Variants in ADGRV1 observed in about 807,000 individuals in gnomAD.
ADGRV1 encodes G-protein coupled receptor 98.
Under a neutral mutation model 596.2 loss-of-function variants are expected in ADGRV1, and 359 were observed. That is an observed-to-expected ratio of 0.60 (90% CI 0.55 to 0.66). The LOEUF is 0.66. ADGRV1 is among the 30% of genes least tolerant of loss of function. ADGRV1 has a pLI of 0.00. For missense variants in ADGRV1, 7,274 were observed against 7,575.6 expected (o/e 0.96, Z 1.48); for synonymous variants, 2,681 against 2,679.2 (o/e 1.00, Z -0.02).
At chr5:90,830,918 G>C (rs1764466623) in intron 77 of ADGRV1, among the ~76,000 whole-genome samples, 1 of 152,076 alleles carries the variant, frequency 6.6e-6, no homozygotes. Flanking sequence ...AGACCAAAAA[G>C]CCTGGCCCTC....
chr5:90,790,772 T>A, intron 69 of ADGRV1, 101 bp from the exon 70 acceptor site: 1 of 740,240 alleles, frequency 1.4e-6, no homozygotes. Context: ...TGCACAATTA[T>A]ATTTTTTTTT....
At chr5:90,574,292 A>G (rs190203195) in intron 1 of ADGRV1, among the ~76,000 whole-genome samples, 75 of 152,230 alleles carry the variant, frequency 4.9e-4, no homozygotes, top group African/African-American at 1.5e-3. Flanking sequence ...ATCCATAAGA[A>G]TAGAATATTT....
chr5:90,914,419 C>A (rs536380607), intron 83 of ADGRV1, among the ~76,000 whole-genome samples: 2 of 152,084 alleles, frequency 1.3e-5, no homozygotes, highest in East Asian at 1.9e-4. Flanking sequence ...TCTTCTTGTC[C>A]CTATTTTTAA....
At chr5:90,961,017 A>G (rs1777958300) in intron 83 of ADGRV1, among the ~76,000 whole-genome samples, 1 of 152,174 alleles carries the variant, frequency 6.6e-6, no homozygotes, top group Admixed American at 6.5e-5. Context: ...ATACCCTGCT[A>G]CAATACTTGT....
chr5:91,026,309 A>T lies in ADGRV1; in HGVS notation c.18152+40787A>T, dbSNP rs149939528. ...TTTCATTTGAGCAAGGCATAAAACA[A>T]TGCCTTTCAAAAAAATAAGCCAAAG... On this transcript the variant is annotated intron_variant, in intron 85 of 89. Coordinates refer to ENST00000405460, the MANE Select transcript of ADGRV1 (RefSeq NM_032119.4). Among the ~76,000 whole-genome samples, 240 of 152,300 alleles carry T rather than the reference A, an allele frequency of 1.6e-3. 2 individuals carry two copies. Among genetic ancestry groups the T allele is most frequent in the African/African-American group, 5.6e-3 (232 of 41,570 alleles).
rs1250697275 is a variant in ADGRV1 at position 91,098,046 on chromosome 5, T to C, written c.18311-4173T>C. On this transcript the variant is annotated intron_variant, in intron 86 of 89. Coordinates refer to ENST00000405460, the MANE Select transcript of ADGRV1 (RefSeq NM_032119.4). ...TGAGAACATTGAAATGATTCTGTTT[T>C]ATCTTCACTAATTCACTCCTAAACA... is the stretch of plus-strand genomic sequence containing the variant. 2.0e-5 allele frequency among the ~76,000 whole-genome samples: 3 copies of C among 152,234 alleles called. No homozygotes were observed. The East Asian group carries it at 5.8e-4, about 29-fold the overall frequency.
At chr5:90,812,311 A>G (rs1762513334) in intron 74 of ADGRV1, among the ~76,000 whole-genome samples, 1 of 152,120 alleles carries the variant, frequency 6.6e-6, no homozygotes, top group Non-Finnish European at 1.5e-5. Flanking sequence ...CTATCTCATG[A>G]TTCTTTTCTT....
At chr5:90,666,081 G>A (rs1323650723) in intron 21 of ADGRV1, among the ~76,000 whole-genome samples, 1 of 151,548 alleles carries the variant, frequency 6.6e-6, no homozygotes, top group African/African-American at 2.4e-5. Flanking sequence ...TGAAAAAAAT[G>A]TATATTCTGT....
chr5:90,784,926 C>A (rs1759262051), intron 67 of ADGRV1, among the ~76,000 whole-genome samples: 1 of 151,980 alleles, frequency 6.6e-6, no homozygotes, highest in Non-Finnish European at 1.5e-5. Context: ...CTACTTTAAA[C>A]TTCATATGGA....
intron 83 of ADGRV1, among the ~76,000 whole-genome samples, chr5:90,913,477 A>G (rs2150701704): frequency 6.6e-6 from 1 of 152,366 alleles, no homozygotes; most frequent in East Asian, 1.9e-4. Flanking sequence ...TTAACATTAA[A>G]AAGTGGTAGC....
chr5:90,997,699 A>G (rs936345741), intron 85 of ADGRV1, among the ~76,000 whole-genome samples: 1 of 152,200 alleles, frequency 6.6e-6, no homozygotes, highest in Admixed American at 6.5e-5. Flanking sequence ...TACAGTGGAA[A>G]GAGCAGGGGC....
intron 1 of ADGRV1, among the ~76,000 whole-genome samples, chr5:90,579,055 GCTC>G (rs1757616543): frequency 1.3e-5 from 2 of 152,156 alleles, no homozygotes; most frequent in African/African-American, 4.8e-5. Context: ...CAAAAAACCA[GCTC>G]CTGGATTCAT....
intron 1 of ADGRV1, among the ~76,000 whole-genome samples, chr5:90,580,457 C>T (rs1757865414): frequency 6.6e-6 from 1 of 151,914 alleles, no homozygotes; most frequent in South Asian, 2.1e-4. Flanking sequence ...TTGGTCTTTT[C>T]ACATAGTCCC....
At chr5:90,978,149 G>A (rs1779773121) in intron 84 of ADGRV1, among the ~76,000 whole-genome samples, 1 of 151,942 alleles carries the variant, frequency 6.6e-6, no homozygotes, top group South Asian at 2.1e-4. Context: ...CAAAAAATTA[G>A]CCAGGCATGG....
chr5:90,751,317 T>C (rs1166327699), intron 53 of ADGRV1, among the ~76,000 whole-genome samples: 2 of 152,142 alleles, frequency 1.3e-5, no homozygotes, highest in Non-Finnish European at 2.9e-5. Flanking sequence ...AGCTAAGCTA[T>C]TGATATCCCC....
intron 87 of ADGRV1, among the ~76,000 whole-genome samples, chr5:91,141,591 A>G (rs1328336109): frequency 6.6e-6 from 1 of 152,264 alleles, no homozygotes. Context: ...AACTAAGAGT[A>G]GTTTTTAAAG....
At chr5:90,782,007 C>G (rs186381473) in intron 65 of ADGRV1, among the ~76,000 whole-genome samples, 1 of 152,090 alleles carries the variant, frequency 6.6e-6, no homozygotes, top group Admixed American at 6.6e-5. Flanking sequence ...CTTGCTTTCT[C>G]GAAACAGTCC....
chr5:90,619,708 G>A (rs537722579), intron 4 of ADGRV1, among the ~76,000 whole-genome samples: 12 of 151,110 alleles, frequency 7.9e-5, no homozygotes, highest in African/African-American at 1.7e-4. Context: ...CCATTAACTC[G>A]TCATTTAGCA....
At chr5:90,561,965 A>G (rs540478608) in intron 1 of ADGRV1, among the ~76,000 whole-genome samples, 48 of 152,254 alleles carry the variant, frequency 3.2e-4, no homozygotes, top group Non-Finnish European at 6.0e-4. Flanking sequence ...TCTGAGTGCA[A>G]AGATAATGCA....
Sources: allele counts gnomAD v4.1 joint callset (sites outside exome capture counted in the v4.1 genomes callset), GRCh38; gene constraint gnomAD v4.1.1; transcripts MANE v1.5; gene names NCBI Gene and HGNC (gene_info 2026-07-23, HGNC 2026-07-21).